KAZN: variants seen among roughly 807,000 people sequenced by gnomAD.
The protein encoded by KAZN is kazrin, periplakin interacting protein, also known as kazrin.
A neutral mutation model predicts 87.4 loss-of-function variants in KAZN; 40 were observed. The ratio of observed to expected loss-of-function variants is 0.46; its 90% CI spans 0.36 to 0.60. The LOEUF is 0.60. KAZN is among the 20% of genes least tolerant of loss of function. The probability of loss-of-function intolerance (pLI) is 0.00; values close to 1 mark genes in which losing one functional copy is unlikely to be tolerated. For synonymous variants in KAZN, 466 were observed against 458.3 expected (o/e 1.02, Z -0.22); for missense variants, 898 against 1,073.9 (o/e 0.84, Z 2.29).
At chr1:14,659,287 C>G (rs959865486) in intron 1 of KAZN, among the ~76,000 whole-genome samples, 2 of 151,934 alleles carry the variant, frequency 1.3e-5, no homozygotes, top group Non-Finnish European at 2.9e-5. Context: ...CAGGAAAGGA[C>G]AGAATCTAGC....
At chr1:14,041,279 T>A (rs1330191204) in intron 1 of KAZN, among the ~76,000 whole-genome samples, 1 of 152,256 alleles carries the variant, frequency 6.6e-6, no homozygotes, top group Admixed American at 6.5e-5. Flanking sequence ...CACGTTTTGT[T>A]GTAATTACTA....
chr1:15,066,676 C>T lies in KAZN; in HGVS notation c.1222+923C>T, dbSNP rs191946222. The stretch of plus-strand genomic sequence containing the variant: ...AATGTCTATTTTTCCATGGGGTGGG[C>T]GGGAGGTGGGTGTCTCTGTTGACTT... On this transcript the variant is annotated intron_variant, in intron 8 of 14. Coordinates refer to ENST00000376030, the MANE Select transcript of KAZN (RefSeq NM_201628.3). The surrounding 1 kb of genome is among the most constrained non-coding windows in gnomAD (Gnocchi z 4.3). The T allele has an allele frequency of 3.4e-4, 260 of 769,488 alleles. No homozygotes were observed. The highest frequency in any genetic ancestry group is 2.0e-3 in the Middle Eastern group (3 of 1,524). 47.7% of individuals were successfully genotyped at this position (769,488 alleles called of 1,614,324 possible).
intron 1 of KAZN, among the ~76,000 whole-genome samples, chr1:14,641,895 G>T (rs1680433428): frequency 6.6e-6 from 1 of 152,196 alleles, no homozygotes; most frequent in Non-Finnish European, 1.5e-5. Context: ...ACAAACTGGG[G>T]AGAAATATTT....
At chr1:14,918,323 T>C (rs549407810) in intron 1 of KAZN, among the ~76,000 whole-genome samples, 38 of 152,238 alleles carry the variant, frequency 2.5e-4, no homozygotes, top group African/African-American at 8.2e-4. Flanking sequence ...GGAAGCAAGC[T>C]GCCATTCTGT....
intron 2 of KAZN, among the ~76,000 whole-genome samples, chr1:14,292,388 G>A (rs1001412843): frequency 3.3e-5 from 5 of 152,208 alleles, no homozygotes; most frequent in African/African-American, 9.6e-5. Flanking sequence ...CGCCCAAATA[G>A]CAGAGGCCTC....
intron 2 of KAZN, chr1:14,180,633 A>T (rs1646177398): frequency 6.6e-7 from 1 of 1,511,826 alleles, no homozygotes; most frequent in Non-Finnish European, 8.9e-7. Flanking sequence ...GAGAAGGTGG[A>T]ATCTTTTTTT....
chr1:15,027,067 CTTCTTTT>C (rs1671237839), intron 2 of KAZN, among the ~76,000 whole-genome samples: 3 of 62,210 alleles, frequency 4.8e-5, no homozygotes, highest in Non-Finnish European at 6.9e-5. Flanking sequence ...CAAGCCAGTG[CTTCTTTT>C]TTTTTTTTTT....
At chr1:13,954,811 G>A (rs1184276094) in intron 1 of KAZN, among the ~76,000 whole-genome samples, 2 of 152,264 alleles carry the variant, frequency 1.3e-5, no homozygotes, top group African/African-American at 4.8e-5. Context: ...TCTTGAGGGG[G>A]TTGGACTTTT....
Position 14,647,919 on chromosome 1 carries a change from G to A in KAZN, c.226+48696G>A, listed in dbSNP as rs149353674. Among the ~76,000 whole-genome samples, 464 of 152,236 alleles carry A rather than the reference G, an allele frequency of 3.0e-3. 2 individuals carry two copies. The highest frequency in any genetic ancestry group is 9.8e-3 in the African/African-American group (407 of 41,528). ...AGGGTGGTGTGATCATTCTCCATTC[G>A]TTTCCTGTCTCTTCCTGATCTGCCA... On this transcript the variant is annotated intron_variant, in intron 1 of 14. Coordinates refer to ENST00000376030, the MANE Select transcript of KAZN (RefSeq NM_201628.3).
intron 2 of KAZN, among the ~76,000 whole-genome samples, chr1:14,304,978 A>G (rs1654821129): frequency 6.6e-6 from 1 of 151,506 alleles, no homozygotes; most frequent in African/African-American, 2.4e-5. Context: ...AAGAAGATAG[A>G]TCTATGGGCC....
intron 1 of KAZN, among the ~76,000 whole-genome samples, chr1:14,794,671 C>T (rs1415069408): frequency 6.6e-6 from 1 of 152,198 alleles, no homozygotes; most frequent in Non-Finnish European, 1.5e-5. Context: ...TCATGCACAC[C>T]ACTGGGTATC....
chr1:13,908,760 G>C (rs1026650006), intron 1 of KAZN, among the ~76,000 whole-genome samples: 16 of 152,224 alleles, frequency 1.1e-4, no homozygotes, highest in African/African-American at 3.9e-4. Flanking sequence ...TTCTCAAGTG[G>C]TGGAACAGGC....
intron 2 of KAZN, among the ~76,000 whole-genome samples, chr1:14,388,557 A>G (rs56095737): frequency 0.33 from 50,372 of 152,048 alleles, 9,193 homozygotes; most frequent in East Asian, 0.73. Context: ...TACATCTATG[A>G]TGAGCTCATT....
At chr1:13,995,219 C>CAAAGAAAAAAAAAA (rs1639454359) in intron 1 of KAZN, among the ~76,000 whole-genome samples, 1 of 107,390 alleles carries the variant, frequency 9.3e-6, no homozygotes, top group African/African-American at 3.2e-5. Context: ...TGCAATAAGG[C>CAAAGAAAAAAAAAA]AAAAAAAAAA....
At chr1:14,433,477 T>C (rs902835818) in intron 2 of KAZN, among the ~76,000 whole-genome samples, 5 of 152,188 alleles carry the variant, frequency 3.3e-5, no homozygotes, top group Admixed American at 6.5e-5. Context: ...TGTGTGATGG[T>C]ATTAGGAGAT....
intron 1 of KAZN, among the ~76,000 whole-genome samples, chr1:14,855,179 C>G (rs1004428607): frequency 1.3e-5 from 2 of 152,196 alleles, no homozygotes; most frequent in South Asian, 2.1e-4. Context: ...ACCTGCTAAA[C>G]TGATTAGGAC....
Position 14,709,244 on chromosome 1 carries a change from A to T in KAZN, c.226+110021A>T, listed in dbSNP as rs199507957. Among the ~76,000 whole-genome samples the T allele has an allele frequency of 1.2e-4, 18 of 152,134 alleles. No individual in the cohort carries two copies. In the East Asian group the frequency reaches 3.5e-3, roughly 29 times the overall value. On this transcript the variant is annotated intron_variant, in intron 1 of 14. Transcript: ENST00000376030. ...CTGTGAGTCTCACTCCGGAGCCCAA[A>T]CTCTTGGCTTGAATTCTAGAATGAA...
intron 2 of KAZN, among the ~76,000 whole-genome samples, chr1:14,363,750 G>A (rs1033432124): frequency 5.9e-5 from 9 of 152,244 alleles, no homozygotes; most frequent in South Asian, 2.1e-4. Context: ...GTGACCATAT[G>A]TGTCCTGCAA....
intron 1 of KAZN, among the ~76,000 whole-genome samples, chr1:14,900,070 A>G (rs1346473382): frequency 6.6e-6 from 1 of 152,210 alleles, no homozygotes; most frequent in African/African-American, 2.4e-5. Flanking sequence ...GGAATGGCCC[A>G]GGAGGCAGAA....
Sources: gnomAD v4.1 joint callset for allele counts (sites outside exome capture counted in the v4.1 genomes callset) on GRCh38, gnomAD v4.1.1 for gene constraint, Gnocchi (gnomAD v3.1) non-coding constraint, MANE v1.5 for transcripts, NCBI Gene and HGNC (gene_info 2026-07-23, HGNC 2026-07-21) for gene names.